The following PLEKHM3 variants were observed in gnomAD, a reference collection of about 807,000 sequenced individuals.
PLEKHM3 encodes pleckstrin homology domain-containing family M member 3.
A neutral mutation model predicts 81.8 loss-of-function variants in PLEKHM3; 45 were observed. The ratio of observed to expected loss-of-function variants is 0.55; its 90% confidence interval spans 0.43 to 0.71. The LOEUF (loss-of-function observed/expected upper bound fraction) is 0.71. Ranked by LOEUF, PLEKHM3 falls within the 30% of genes least tolerant of loss-of-function variation. The pLI is 0.00. For missense variants in PLEKHM3, 788 were observed against 924.3 expected, an observed-to-expected ratio of 0.85 and a Z score of 1.91; for synonymous variants, 352 against 356.4, an observed-to-expected ratio of 0.99 and a Z score of 0.14.
rs1015051151 is a variant in PLEKHM3, at chr2:207,832,167, TA to T, written c.2109-3672del. Among the ~76,000 whole-genome samples the T allele has an allele frequency of 2.6e-5, 4 of 151,814 alleles. 1 individual carries two copies. Among genetic ancestry groups the T allele is most frequent in the Middle Eastern group, 6.8e-3 (2 of 292 alleles). ...CAGTAACTGAACAAAAAGCATGAGA[TA>T]AAAAAAAATTAATGATTTCAAAATA... On this transcript the variant is annotated intron_variant, in intron 7 of 7. Transcript: ENST00000427836.
intron 7 of PLEKHM3, among the ~76,000 whole-genome samples, chr2:207,849,985 T>C (rs1574333988): frequency 6.6e-6 from 1 of 152,314 alleles, no homozygotes; most frequent in Middle Eastern, 3.4e-3. Context: ...AACATGGCAC[T>C]GGCATCTGCT....
Position 207,852,857 on chromosome 2 carries a change from A to C in PLEKHM3, c.2108+8248T>G, listed in dbSNP as rs561446649. ...GAATCTAAAATTTAAAAAGAAAAAA[A>C]GAAAAAAAAAACCCCAAACCTAAAA... is the stretch of plus-strand genomic sequence containing the variant. On this transcript the variant is annotated intron_variant, in intron 7 of 7. Coordinates refer to ENST00000427836, the MANE Select transcript of PLEKHM3 (RefSeq NM_001080475.3). 212 of 425,322 alleles carry C rather than the reference A, an allele frequency of 5.0e-4. 4 individuals carry two copies. Among genetic ancestry groups the C allele is most frequent in the South Asian group, 3.6e-3 (208 of 57,930 alleles). The allele number at this position is 425,322 out of a possible 1,614,324, so 26.3% of individuals were successfully genotyped here.
At position 207,946,488 on chromosome 2, in the gene PLEKHM3, G is replaced by T. The variant is rs1042191317; in HGVS notation, c.1571C>A (p.Ser524Tyr). 1 of 1,614,158 alleles carries T rather than the reference G, an allele frequency of 6.2e-7. No individual in the cohort carries two copies. Residue 524 changes from serine to tyrosine, a missense_variant, in exon 4 of 8, where the codon TCC (serine) becomes TAC (tyrosine). Transcript: ENST00000427836. ...CAGCQRSIGL[S>Y]NGKAKVCNYS... ...GTTGCACACCTTGGCTTTCCCATTG[G>T]AAAGACCTATGGATCGCTGGCAGCC...
intron 7 of PLEKHM3, among the ~76,000 whole-genome samples, chr2:207,841,658 T>A (rs1411577439): frequency 6.6e-6 from 1 of 151,396 alleles, no homozygotes; most frequent in Non-Finnish European, 1.5e-5. Context: ...TAGTTCCCAA[T>A]TCCTAATATG....
chr2:207,971,381 CAAT>C, intron 3 of PLEKHM3, among the ~76,000 whole-genome samples: 1 of 152,172 alleles, frequency 6.6e-6, no homozygotes, highest in African/African-American at 2.4e-5. Context: ...CTATAGTTAA[CAAT>C]AATACGTAGT....
intron 1 of PLEKHM3, among the ~76,000 whole-genome samples, chr2:208,015,056 T>C (rs181469058): frequency 6.6e-6 from 1 of 152,362 alleles, no homozygotes; most frequent in East Asian, 1.9e-4. Context: ...AAGTTATAGC[T>C]AATATTTATT....
At chr2:207,906,776 G>A (rs908370876) in intron 6 of PLEKHM3, among the ~76,000 whole-genome samples, 6 of 151,678 alleles carry the variant, frequency 4.0e-5, no homozygotes, top group African/African-American at 1.5e-4. Flanking sequence ...GCAACAGAGC[G>A]AGACTGTCAA....
chr2:207,830,133 C>T (rs866636967), intron 7 of PLEKHM3, among the ~76,000 whole-genome samples: 1 of 152,072 alleles, frequency 6.6e-6, no homozygotes, highest in South Asian at 2.1e-4. Context: ...AGCAGCTCTA[C>T]CCCCAGCTTG....
chr2:207,888,837 T>C (rs1209105771), intron 6 of PLEKHM3, among the ~76,000 whole-genome samples: 2 of 152,254 alleles, frequency 1.3e-5, no homozygotes, highest in East Asian at 1.9e-4. Flanking sequence ...TACTTTAGGA[T>C]ACCAAAAAGA....
At chr2:207,875,867 AACTTACCTAGCTTACAC>A (rs1159196577) in intron 6 of PLEKHM3, among the ~76,000 whole-genome samples, 4 of 152,218 alleles carry the variant, frequency 2.6e-5, no homozygotes, top group African/African-American at 4.8e-5. Flanking sequence ...TACCTTGCTT[AACTTACCTAGCTTACAC>A]CTCAGTTACT....
chr2:207,934,059 G>A (rs1293429999), intron 4 of PLEKHM3, among the ~76,000 whole-genome samples: 2 of 152,250 alleles, frequency 1.3e-5, no homozygotes, highest in Admixed American at 6.5e-5. Context: ...ACACTGGCAT[G>A]AGGATTGTAC....
At position 207,889,434 on chromosome 2, in the gene PLEKHM3, A is replaced by AACACACACACACACAC. The variant is rs35082335; in HGVS notation, c.1950+19064_1950+19079dup. 1.8e-3 allele frequency among the ~76,000 whole-genome samples: 234 copies of AACACACACACACACAC among 129,230 alleles called. 3 individuals carry two copies. The highest frequency in any genetic ancestry group is 3.8e-3 in the Middle Eastern group (1 of 262). 84.8% of individuals were successfully genotyped at this position (129,230 alleles called of 152,430 possible). A position where few individuals can be genotyped will look rare whatever the true frequency, so the allele number is the denominator to read the frequency against. On this transcript the variant is annotated intron_variant, in intron 6 of 7. Transcript: ENST00000427836. ...TAAGAGCAGACAGGAGGTTTTTTTC[A>AACACACACACACACAC]ACACACACACACACACACACACACA...
At chr2:208,008,046 G>A (rs1228155028) in intron 1 of PLEKHM3, among the ~76,000 whole-genome samples, 1 of 151,678 alleles carries the variant, frequency 6.6e-6, no homozygotes, top group Non-Finnish European at 1.5e-5. Flanking sequence ...GAGTGAGACT[G>A]TATCTCAAAA....
chr2:208,016,668 A>AAAAACACACACACACAC (rs1553568085), intron 1 of PLEKHM3, among the ~76,000 whole-genome samples: 2 of 61,556 alleles, frequency 3.2e-5, no homozygotes, highest in African/African-American at 4.5e-5. Context: ...AAAAAAAAAA[A>AAAAACACACACACACAC]ATACACACAC....
intron 3 of PLEKHM3, among the ~76,000 whole-genome samples, chr2:207,958,013 T>C (rs1052487590): frequency 6.6e-6 from 1 of 152,204 alleles, no homozygotes; most frequent in African/African-American, 2.4e-5. Context: ...AAGAGGTATC[T>C]GGCCTAATAT....
intron 7 of PLEKHM3, among the ~76,000 whole-genome samples, chr2:207,853,450 A>G (rs2092423205): frequency 6.7e-6 from 1 of 148,738 alleles, no homozygotes; most frequent in Non-Finnish European, 1.5e-5. Context: ...TTAAAAGTAC[A>G]GGGCCCGGTG....
chr2:207,897,015 AC>A (rs1184952279), intron 6 of PLEKHM3, among the ~76,000 whole-genome samples: 1 of 152,194 alleles, frequency 6.6e-6, no homozygotes, highest in Non-Finnish European at 1.5e-5. Flanking sequence ...AGGTAGTACC[AC>A]TCACTCAAGC....
intron 6 of PLEKHM3, among the ~76,000 whole-genome samples, chr2:207,893,956 A>G (rs1216432608): frequency 6.6e-6 from 1 of 152,080 alleles, no homozygotes; most frequent in African/African-American, 2.4e-5. Flanking sequence ...TCTCTACTAA[A>G]AATAAAAAAA....
At position 207,976,990 on chromosome 2, in the gene PLEKHM3, A is replaced by G. The variant is rs1273989827; in HGVS notation, c.1207T>C (p.Leu403=). ...AGACACACGTCCACGTTGTAGCTCA[A>G]CAGTGGATCCTCGTCTAGCTTGCCA... The part of the protein sequence containing the change: ...QPGKLDEDPL[L]SYNVDVCLAV... Residue 403 remains leucine (L), a synonymous_variant, in exon 3 of 8, where the codon TTG becomes CTG. Transcript: ENST00000427836. This position sits in a 1 kb window ranked among gnomAD's most constrained non-coding sequence, Gnocchi z 4.1. 3.1e-6 allele frequency: 5 copies of G among 1,614,126 alleles called. No individual in the cohort carries two copies. Among genetic ancestry groups the G allele is most frequent in the South Asian group, 1.1e-5 (1 of 91,090 alleles).
Sources: gnomAD v4.1 joint callset for allele counts (sites outside exome capture counted in the v4.1 genomes callset) on GRCh38, gnomAD v4.1.1 for gene constraint, Gnocchi (gnomAD v3.1) non-coding constraint, MANE v1.5 for transcripts, NCBI Gene and HGNC (gene_info 2026-07-23, HGNC 2026-07-21) for gene names.